PTPRT: variants seen among roughly 807,000 people sequenced by gnomAD.
PTPRT encodes protein tyrosine phosphatase receptor type T, also known as receptor-type tyrosine-protein phosphatase T.
In PTPRT, 56 loss-of-function variants were observed where a neutral mutation model predicts 176.8. The ratio of observed to expected loss-of-function variants is 0.32; its 90% CI spans 0.26 to 0.40. The LOEUF is 0.40. Ranked by LOEUF, PTPRT falls within the 10% of genes least tolerant of loss-of-function variation. The pLI, the probability that PTPRT is intolerant of heterozygous loss-of-function variation, is 1.00. For missense variants in PTPRT, 1,540 were observed against 1,908.2 expected (o/e 0.81, Z 3.60); for synonymous variants, 783 against 739.0 (o/e 1.06, Z -0.96).
At chr20:42,568,115 C>T (rs1601286198) in intron 7 of PTPRT, among the ~76,000 whole-genome samples, 2 of 151,888 alleles carry the variant, frequency 1.3e-5, no homozygotes, top group East Asian at 1.9e-4. Context: ...ATTACATGCA[C>T]CCACCACCAT....
chr20:42,237,459 A>G (rs2056268202), intron 14 of PTPRT, among the ~76,000 whole-genome samples: 1 of 152,232 alleles, frequency 6.6e-6, no homozygotes, highest in African/African-American at 2.4e-5. Flanking sequence ...GGGGTTCTAT[A>G]GCAGCCACTG....
At chr20:42,691,155 C>T (rs1306441701) in intron 6 of PTPRT, among the ~76,000 whole-genome samples, 2 of 152,206 alleles carry the variant, frequency 1.3e-5, no homozygotes. Flanking sequence ...ACTAATCTCC[C>T]ACCAGGACAG....
chr20:42,956,433 C>T (rs921210232), intron 1 of PTPRT, among the ~76,000 whole-genome samples: 3 of 128,334 alleles, frequency 2.3e-5, no homozygotes, highest in Admixed American at 7.3e-5. Flanking sequence ...CCGTGTGAGA[C>T]ACCTGCTCCT....
chr20:42,443,407 A>C (rs1172151854), intron 9 of PTPRT, among the ~76,000 whole-genome samples: 3 of 152,222 alleles, frequency 2.0e-5, no homozygotes, highest in African/African-American at 7.2e-5. Flanking sequence ...TTGTGGACAC[A>C]AGGCCGTTGG....
At chr20:42,758,547 G>A (rs2076870427) in intron 5 of PTPRT, among the ~76,000 whole-genome samples, 1 of 152,062 alleles carries the variant, frequency 6.6e-6, no homozygotes, top group Non-Finnish European at 1.5e-5. Flanking sequence ...TTTTGCTGCT[G>A]CTTTTTACTT....
chr20:42,774,536 A>G (rs1885834), intron 4 of PTPRT, among the ~76,000 whole-genome samples: 66,899 of 152,128 alleles, frequency 0.44, 16,946 homozygotes, highest in Non-Finnish European at 0.58. Flanking sequence ...TAAACTCAAC[A>G]TGTTATTAAA....
chr20:42,442,998 C>A (rs1182770642), intron 9 of PTPRT, among the ~76,000 whole-genome samples: 3 of 152,142 alleles, frequency 2.0e-5, no homozygotes, highest in Non-Finnish European at 4.4e-5. Flanking sequence ...GATTAGGGAA[C>A]CCTGATGCCT....
the PTPRT span, among the ~76,000 whole-genome samples, chr20:42,038,005 G>A: frequency 6.6e-6 from 1 of 152,162 alleles, no homozygotes. Flanking sequence ...TTAGCTAGCT[G>A]TATCATCACC....
At chr20:43,180,844 GT>G (rs1429960926) in intron 1 of PTPRT, among the ~76,000 whole-genome samples, 18 of 152,236 alleles carry the variant, frequency 1.2e-4, no homozygotes, top group Non-Finnish European at 2.6e-4. Flanking sequence ...TATTGGTTCT[GT>G]TTCTCTGCAG....
chr20:42,170,403 G>T (rs981690012), intron 16 of PTPRT, among the ~76,000 whole-genome samples: 15 of 152,280 alleles, frequency 9.9e-5, no homozygotes, highest in African/African-American at 3.6e-4. Context: ...AGAAAAGATA[G>T]AAGAATAAAG....
chr20:42,102,279 G>T lies in PTPRT; in HGVS notation c.3559C>A (p.Pro1187Thr), dbSNP rs1478583387. 6.2e-7 allele frequency: 1 copy of T among 1,614,088 alleles called. No individual in the cohort carries two copies. Among genetic ancestry groups the T allele is most frequent in the Non-Finnish European group, 8.5e-7 (1 of 1,179,954 alleles). The change falls in exon 26 of 31, where the codon CCC (proline) becomes ACC (threonine). Residue 1187 changes from proline (P) to threonine (T), a missense_variant. Physicochemically the swap from Pro to Thr is conservative, Grantham distance 38. Around this residue, in one of 11 missense-constraint regions of PTPRT, gnomAD observed 342 missense variants for 394.0 expected, o/e 0.87. Transcript: ENST00000373187. ...CTGCAGTCCTCGGGCCGCACACGGG[G>T]TGTCACAATGTTGAGGGTCTGTGGG... The part of the protein sequence containing the change: ...DEFQTLNIVT[P>T]RVRPEDCSIG...
intron 2 of PTPRT, among the ~76,000 whole-genome samples, chr20:42,800,118 T>C (rs1235705472): frequency 2.6e-5 from 4 of 152,214 alleles, no homozygotes; most frequent in African/African-American, 9.6e-5. Flanking sequence ...AATTCTTATA[T>C]CAACCCTATG....
chr20:42,561,033 C>T (rs973885886), intron 7 of PTPRT, among the ~76,000 whole-genome samples: 2 of 152,196 alleles, frequency 1.3e-5, no homozygotes, highest in Non-Finnish European at 1.5e-5. Flanking sequence ...GGCACCAGCG[C>T]CCTGTGGTTA....
intron 7 of PTPRT, among the ~76,000 whole-genome samples, chr20:42,500,331 C>T (rs1358302604): frequency 6.6e-6 from 1 of 151,934 alleles, no homozygotes; most frequent in Non-Finnish European, 1.5e-5. Context: ...TCACTACCCC[C>T]ATCAGCAAGG....
intron 9 of PTPRT, among the ~76,000 whole-genome samples, chr20:42,379,335 A>G (rs1311951865): frequency 6.6e-6 from 1 of 152,270 alleles, no homozygotes; most frequent in Non-Finnish European, 1.5e-5. Flanking sequence ...ACAAAGTTCT[A>G]TTCATTTCCC....
At chr20:42,339,865 G>GCCCAGCCATAGGT (rs1470369939) in intron 11 of PTPRT, among the ~76,000 whole-genome samples, 1 of 152,142 alleles carries the variant, frequency 6.6e-6, no homozygotes, top group East Asian at 1.9e-4. Context: ...CAGTAAGTAA[G>GCCCAGCCATAGGT]CCCAGCCATA....
chr20:42,085,900 G>C (rs1569548), intron 27 of PTPRT, 47 bp from the exon 28 acceptor site: 455,465 of 1,532,546 alleles, frequency 0.3, 69,231 homozygotes, highest in Middle Eastern at 0.34. Flanking sequence ...GGCAGGGGGC[G>C]GGTATCAAAG....
In PTPRT at chr20:42,875,705, A is replaced by G. The variant is rs376317268; in HGVS notation, c.214+10102T>C. The stretch of plus-strand genomic sequence containing the variant: ...AGTGGCATAAAAAGAGATGGATGAC[A>G]GAAGAGTTTGGGAGCTATGATTCTA... On this transcript the variant is annotated intron_variant, in intron 2 of 30. Transcript: ENST00000373187. Among the ~76,000 whole-genome samples the G allele has an allele frequency of 7.9e-5, 12 of 152,310 alleles. 1 individual carries two copies. Among genetic ancestry groups the G allele is most frequent in the African/African-American group, 2.6e-4 (11 of 41,564 alleles).
chr20:42,360,034 G>A (rs1479887423), intron 9 of PTPRT, among the ~76,000 whole-genome samples: 2 of 152,198 alleles, frequency 1.3e-5, no homozygotes, highest in Admixed American at 1.3e-4. Context: ...TATTGGCTGT[G>A]GGATCAAACA....
Sources: allele counts gnomAD v4.1 joint callset (sites outside exome capture counted in the v4.1 genomes callset), GRCh38; gene constraint gnomAD v4.1.1; regional missense constraint gnomAD v4.1.1; transcripts MANE v1.5; gene names NCBI Gene and HGNC (gene_info 2026-07-23, HGNC 2026-07-21).